The following PHEX variants were observed in gnomAD, a reference collection of about 807,000 sequenced individuals.
PHEX encodes phosphate-regulating neutral endopeptidase PHEX.
A neutral mutation model predicts 68.0 loss-of-function variants in PHEX; 16 were observed. That is an observed-to-expected ratio of 0.24 (90% CI 0.16 to 0.36). The LOEUF (loss-of-function observed/expected upper bound fraction) is 0.36. Among genes scored for constraint, PHEX ranks in the 10% least tolerant of loss-of-function variants. The pLI is 1.00. For synonymous variants in PHEX, 208 were observed against 205.1 expected (o/e 1.01, Z -0.12); for missense variants, 480 against 575.5 (o/e 0.83, Z 1.70).
intron 19 of PHEX, 105 bp from the exon 20 acceptor site, chrX:22,227,402 G>C: frequency 1.8e-6 from 1 of 564,383 alleles, no homozygotes; most frequent in Non-Finnish European, 3.2e-6. Context: ...TTGACATGAT[G>C]CATTTTGCAC....
At position 22,084,307 on chromosome X, in the gene PHEX, G is replaced by A. The variant is rs747380486; in HGVS notation, c.664-6122G>A. Reference sequence around the variant, plus strand: ...CAGCATATCATGTCTATTGATTTGTGTATGTTGAACTATCCTGGCATCCCT... The same window carrying A: ...CAGCATATCATGTCTATTGATTTGTATATGTTGAACTATCCTGGCATCCCT... On this transcript the variant is annotated intron_variant, in intron 5 of 21. Coordinates refer to ENST00000379374, the MANE Select transcript of PHEX (RefSeq NM_000444.6). 9.9e-5 allele frequency among the ~76,000 whole-genome samples: 11 copies of A among 111,560 alleles called. No individual in the cohort carries two copies. The South Asian group carries it at 4.1e-3, about 41-fold the overall frequency.
intron 3 of PHEX, among the ~76,000 whole-genome samples, chrX:22,055,174 CAAAAAAAAAAA>C (rs111628195): frequency 0.019 from 1,273 of 66,050 alleles, 46 homozygotes; most frequent in African/African-American, 0.053. Context: ...GACTCCAGCT[CAAAAAAAAAAA>C]AAAAAAAAAA....
At position 22,091,385 on chromosome X, in the gene PHEX, T is replaced by C. The variant is rs1360895895; in HGVS notation, c.732+888T>C. ...AAATCGTCTCCCCCTATAACCTATC[T>C]GTCAAGTCCTAATGATTCTACCTTC... On this transcript the variant is annotated intron_variant, in intron 6 of 21. Transcript: ENST00000379374. 2.7e-5 allele frequency among the ~76,000 whole-genome samples: 3 copies of C among 112,045 alleles called. No homozygotes were observed. The South Asian group carries it at 1.1e-3, about 42-fold the overall frequency.
chrX:22,055,174 C>CAAAAAGAAAAAAAAAAA (rs1928024330), intron 3 of PHEX, among the ~76,000 whole-genome samples: 1 of 66,089 alleles, frequency 1.5e-5, no homozygotes, highest in Non-Finnish European at 3.0e-5. Flanking sequence ...GACTCCAGCT[C>CAAAAAGAAAAAAAAAAA]AAAAAAAAAA....
At position 22,249,474 on chromosome X, in the gene PHEX, ATATATATATATATG is replaced by A. The variant is rs1936508954; in HGVS notation, c.*1527_*1540del. ...AAAAAAAATATATATATATATATAT[ATATATATATATATG>A]TATATCTACCTAAGTGTGTGCCATG... On this transcript the variant is annotated 3_prime_UTR_variant, in exon 22 of 22. Coordinates refer to ENST00000379374, the MANE Select transcript of PHEX (RefSeq NM_000444.6). 1.2e-5 allele frequency: 1 copy of A among 85,458 alleles called. No individual in the cohort carries two copies. The highest frequency in any genetic ancestry group is 5.0e-5 in the African/African-American group (1 of 19,977). The allele number at this position is 85,458 out of a possible 1,213,427, so 7.0% of individuals were successfully genotyped here.
intron 20 of PHEX, among the ~76,000 whole-genome samples, chrX:22,242,994 C>T (rs980777683): frequency 8.1e-5 from 9 of 111,762 alleles, no homozygotes; most frequent in African/African-American, 2.9e-4. Flanking sequence ...GCAAGAAGAA[C>T]AAAGCTGGAG....
intron 5 of PHEX, among the ~76,000 whole-genome samples, chrX:22,086,200 T>G (rs1006016741): frequency 2.7e-5 from 3 of 111,835 alleles, no homozygotes; most frequent in Non-Finnish European, 3.8e-5. Flanking sequence ...AGGTGACCTT[T>G]GGAATGAACC....
At chrX:22,183,319 T>A (rs1235093096) in intron 14 of PHEX, among the ~76,000 whole-genome samples, 1 of 111,154 alleles carries the variant, frequency 9.0e-6, no homozygotes, top group Non-Finnish European at 1.9e-5. Context: ...CTTCCTATAA[T>A]ATGCACCTGA....
chrX:22,222,052 T>C (rs1168139589), intron 18 of PHEX, among the ~76,000 whole-genome samples: 2 of 111,984 alleles, frequency 1.8e-5, no homozygotes, highest in African/African-American at 6.5e-5. Flanking sequence ...ATCCATGTGC[T>C]TCTTTTAAAG....
rs191533050 is a variant in PHEX, at chrX:22,039,579, G to A, written c.187+1042G>A. ...CAACTTATGTTGAAAGTGCTGCAGT[G>A]TATCCTCAAGACAGTGAGAGAAAAG... On this transcript the variant is annotated intron_variant, in intron 2 of 21. Coordinates refer to ENST00000379374, the MANE Select transcript of PHEX (RefSeq NM_000444.6). 7.1e-5 allele frequency among the ~76,000 whole-genome samples: 8 copies of A among 112,504 alleles called. No individual in the cohort carries two copies. The Admixed American group carries it at 7.5e-4, about 11-fold the overall frequency.
At chrX:22,057,941 T>A (rs1928189833) in intron 3 of PHEX, among the ~76,000 whole-genome samples, 1 of 111,508 alleles carries the variant, frequency 9.0e-6, no homozygotes, top group South Asian at 3.8e-4. Flanking sequence ...TCCGTTTCAC[T>A]CCATCTCCTC....
At chrX:22,106,358 C>T (rs1930686080) in intron 9 of PHEX, among the ~76,000 whole-genome samples, 3 of 111,846 alleles carry the variant, frequency 2.7e-5, no homozygotes, top group African/African-American at 9.7e-5. Context: ...TATGCTATCA[C>T]CTTTGTAATG....
At position 22,228,658 on chromosome X, in the gene PHEX, C is replaced by CTTAT. The variant is rs749142778; in HGVS notation, c.2070+1050_2070+1053dup. 4.5e-5 allele frequency among the ~76,000 whole-genome samples: 5 copies of CTTAT among 111,313 alleles called. No homozygotes were observed. The South Asian group carries it at 1.9e-3, about 43-fold the overall frequency. On this transcript the variant is annotated intron_variant, in intron 20 of 21. Coordinates refer to ENST00000379374, the MANE Select transcript of PHEX (RefSeq NM_000444.6). ...GGTTAGAAAGCCTGGATTCTTAGGT[C>CTTAT]TTATTTGATGCATCTGTCCTCAATT...
At chrX:22,217,120 C>T (rs1183345132) in intron 16 of PHEX, among the ~76,000 whole-genome samples, 1 of 111,680 alleles carries the variant, frequency 9.0e-6, no homozygotes, top group Non-Finnish European at 1.9e-5. Context: ...CAGTCAACAG[C>T]ATTGACTGAG....
At chrX:22,065,524 C>T (rs748673272) in intron 3 of PHEX, among the ~76,000 whole-genome samples, 1 of 111,429 alleles carries the variant, frequency 9.0e-6, no homozygotes, top group African/African-American at 3.3e-5. Flanking sequence ...CTCCCTGGTT[C>T]AAGCGATTCT....
At chrX:22,051,413 C>G (rs916405043) in intron 3 of PHEX, among the ~76,000 whole-genome samples, 2 of 110,775 alleles carry the variant, frequency 1.8e-5, no homozygotes, top group Non-Finnish European at 3.8e-5. Flanking sequence ...TGCCTGTAAT[C>G]CCAGCTACTT....
chrX:22,202,892 A>C (rs1401823925), intron 15 of PHEX, among the ~76,000 whole-genome samples: 1 of 111,857 alleles, frequency 8.9e-6, no homozygotes, highest in Admixed American at 9.5e-5. Flanking sequence ...GATCATCAGC[A>C]TCGCTTGTGA....
intron 3 of PHEX, among the ~76,000 whole-genome samples, chrX:22,072,940 T>C (rs777286462): frequency 8.9e-6 from 1 of 112,286 alleles, no homozygotes; most frequent in Admixed American, 9.5e-5. Flanking sequence ...GGATGAAGAA[T>C]GTGAGCAGAA....
At chrX:22,118,339 C>CAAAAAAAAAAAAAAAAA (rs1157170753) in intron 11 of PHEX, among the ~76,000 whole-genome samples, 3 of 21,111 alleles carry the variant, frequency 1.4e-4, no homozygotes, top group African/African-American at 5.1e-4. Context: ...TAAACAGCAC[C>CAAAAAAAAAAAAAAAAA]AAAAAAAAAA....
Sources: gnomAD v4.1 joint callset for allele counts (sites outside exome capture counted in the v4.1 genomes callset) on GRCh38, gnomAD v4.1.1 for gene constraint, MANE v1.5 for transcripts, NCBI Gene and HGNC (gene_info 2026-07-23, HGNC 2026-07-21) for gene names.